The following ARMC2 variants were observed in gnomAD, a reference collection of about 807,000 sequenced individuals.
ARMC2 encodes the protein armadillo repeat containing 2, also known as armadillo repeat-containing protein 2.
Under a neutral mutation model 90.3 loss-of-function variants are expected in ARMC2, and 67 were observed. The ratio of observed to expected loss-of-function variants is 0.74; its 90% CI spans 0.61 to 0.91. The LOEUF is 0.91. Among genes scored for constraint, ARMC2 ranks in the 40% least tolerant of loss-of-function variants. The pLI is 0.00. For missense variants in ARMC2, 920 were observed against 1,030.9 expected (o/e 0.89, Z 1.47); for synonymous variants, 393 against 393.0 (o/e 1.00, Z 0.00).
chr6:108,965,208 T>C, intron 17 of ARMC2, 68 bp downstream of exon 17: 1 of 1,393,954 alleles, frequency 7.2e-7, no homozygotes. Flanking sequence ...TTCTGTGACC[T>C]GTTCGGATAA....
At chr6:108,982,673 G>A in the ARMC2 span, among the ~76,000 whole-genome samples, 2 of 152,188 alleles carry the variant, frequency 1.3e-5, no homozygotes, top group Non-Finnish European at 2.9e-5. Flanking sequence ...ACCCTGATGA[G>A]TGTGAGGTAA....
the ARMC2 span, among the ~76,000 whole-genome samples, chr6:109,021,055 G>T: frequency 1.1e-4 from 16 of 152,154 alleles, no homozygotes; most frequent in Admixed American, 2.6e-4. Context: ...CAGTAATGGG[G>T]TGATCATGGC....
At chr6:108,940,549 C>T (rs1335607337) in intron 12 of ARMC2, among the ~76,000 whole-genome samples, 1 of 152,180 alleles carries the variant, frequency 6.6e-6, no homozygotes, top group Non-Finnish European at 1.5e-5. Flanking sequence ...GCTTGGCCAG[C>T]ACCATGTTAC....
At chr6:108,907,802 A>T (rs1169263932) in intron 8 of ARMC2, 6 of 1,609,310 alleles carry the variant, frequency 3.7e-6, no homozygotes, top group Non-Finnish European at 5.1e-6. Context: ...CCCCATCAAG[A>T]TCCAGCTTGG....
intron 3 of ARMC2, among the ~76,000 whole-genome samples, chr6:108,862,368 C>T (rs375843486): frequency 9.2e-5 from 10 of 109,186 alleles, no homozygotes; most frequent in Non-Finnish European, 1.6e-4. Context: ...ACAAAAAAAA[C>T]AAACAAAACC....
intron 3 of ARMC2, among the ~76,000 whole-genome samples, chr6:108,861,260 G>A (rs1775209554): frequency 6.6e-6 from 1 of 152,226 alleles, no homozygotes; most frequent in African/African-American, 2.4e-5. Context: ...GTTACTCTGT[G>A]TTTGTGTGTA....
At chr6:108,912,260 C>T in intron 9 of ARMC2, 75 bp from the exon 10 acceptor site, 1 of 1,050,628 alleles carries the variant, frequency 9.5e-7, no homozygotes, top group Non-Finnish European at 1.4e-6. Flanking sequence ...ATTTTATGTT[C>T]ACACACAAGT....
chr6:108,947,602 C>T (rs1193932458), intron 12 of ARMC2, among the ~76,000 whole-genome samples: 1 of 152,060 alleles, frequency 6.6e-6, no homozygotes, highest in East Asian at 1.9e-4. Context: ...CTTGTGGGGC[C>T]CATTCAGATT....
chr6:108,944,177 T>C (rs889653095), intron 12 of ARMC2, among the ~76,000 whole-genome samples: 2 of 152,200 alleles, frequency 1.3e-5, no homozygotes, highest in Non-Finnish European at 1.5e-5. Flanking sequence ...AGTCTTTCTC[T>C]ACAGGAGCAG....
chr6:108,987,188 C>T, the ARMC2 span: 2 of 182,152 alleles, frequency 1.1e-5, no homozygotes, highest in African/African-American at 4.7e-5. Flanking sequence ...AAGTCATTAT[C>T]CAAGTCCCAT....
chr6:108,985,094 C>A, the ARMC2 span, among the ~76,000 whole-genome samples: 1 of 152,098 alleles, frequency 6.6e-6, no homozygotes, highest in Non-Finnish European at 1.5e-5. Context: ...ATGCTAGTAA[C>A]ATTTCTGATT....
intron 5 of ARMC2, among the ~76,000 whole-genome samples, chr6:108,889,073 C>CTGATACTTATGCTTA (rs1319202917): frequency 4.6e-5 from 7 of 152,234 alleles, no homozygotes; most frequent in African/African-American, 1.7e-4. Flanking sequence ...CTGCTTATGC[C>CTGATACTTATGCTTA]TGTCTTTATT....
At chr6:108,916,200 C>T (rs1383841694) in intron 10 of ARMC2, among the ~76,000 whole-genome samples, 1 of 152,182 alleles carries the variant, frequency 6.6e-6, no homozygotes, top group African/African-American at 2.4e-5. Flanking sequence ...AATCAAGAGA[C>T]ACTCATTTCA....
In ARMC2 at chr6:108,945,708, G is replaced by A. The variant is rs79344722; in HGVS notation, c.1597-7325G>A. 9.4e-3 allele frequency among the ~76,000 whole-genome samples: 1,437 copies of A among 152,352 alleles called. 12 individuals carry two copies. Among genetic ancestry groups the A allele is most frequent in the Middle Eastern group, 0.024 (7 of 294 alleles). On this transcript the variant is annotated intron_variant, in intron 12 of 17. Coordinates refer to ENST00000392644, the MANE Select transcript of ARMC2 (RefSeq NM_032131.6). ...CACTGATTTGGAATGCTTAGCCATC[G>A]TGGTATCAGAAATGAGAGCTGGAAT...
chr6:108,879,353 T>C (rs895596818), intron 5 of ARMC2, among the ~76,000 whole-genome samples: 2 of 149,720 alleles, frequency 1.3e-5, no homozygotes, highest in East Asian at 4.0e-4. Context: ...CCCATGCAGC[T>C]AGCACCTACC....
chr6:108,951,920 T>C lies in ARMC2; in HGVS notation c.1597-1113T>C, dbSNP rs970144616. ...CAAGAAGGCAAAGGAGGAGAAAAAGTACACGACACCCTGTGTGGGAAGCAG... is the reference window on the plus strand; with the variant it reads ...CAAGAAGGCAAAGGAGGAGAAAAAGCACACGACACCCTGTGTGGGAAGCAG... On this transcript the variant is annotated intron_variant, in intron 12 of 17. Coordinates refer to ENST00000392644, the MANE Select transcript of ARMC2 (RefSeq NM_032131.6). 1.5e-4 allele frequency among the ~76,000 whole-genome samples: 23 copies of C among 152,260 alleles called. 1 individual carries two copies. Among genetic ancestry groups the C allele is most frequent in the African/African-American group, 5.5e-4 (23 of 41,478 alleles).
chr6:108,938,318 CAA>C (rs1776129791), intron 12 of ARMC2, among the ~76,000 whole-genome samples: 1 of 151,930 alleles, frequency 6.6e-6, no homozygotes, highest in Non-Finnish European at 1.5e-5. Context: ...TTTACCCAGC[CAA>C]AGACTTCTGC....
chr6:108,958,868 T>A (rs1777783857), intron 13 of ARMC2, among the ~76,000 whole-genome samples: 1 of 152,212 alleles, frequency 6.6e-6, no homozygotes, highest in African/African-American at 2.4e-5. Flanking sequence ...TCAAGGAAAC[T>A]GAGGCCCAAG....
intron 10 of ARMC2, among the ~76,000 whole-genome samples, chr6:108,921,858 G>A (rs1265597793): frequency 6.6e-6 from 1 of 152,220 alleles, no homozygotes; most frequent in Non-Finnish European, 1.5e-5. Flanking sequence ...AAGCTCGAGG[G>A]ATTTCAGTTG....
Sources: gnomAD v4.1 joint callset for allele counts (sites outside exome capture counted in the v4.1 genomes callset) on GRCh38, gnomAD v4.1.1 for gene constraint, MANE v1.5 for transcripts, NCBI Gene and HGNC (gene_info 2026-07-23, HGNC 2026-07-21) for gene names.